The following PLCB1 variants were observed in gnomAD, a reference collection of about 807,000 sequenced individuals.
The protein encoded by PLCB1 is 1-phosphatidylinositol 4,5-bisphosphate phosphodiesterase beta-1.
In PLCB1, 46 loss-of-function variants were observed where a neutral mutation model predicts 161.8. That is an observed-to-expected ratio of 0.28 (90% CI 0.22 to 0.36). PLCB1 has a LOEUF of 0.36. Among genes scored for constraint, PLCB1 ranks in the 10% least tolerant of loss-of-function variants. PLCB1 has a pLI of 1.00. For synonymous variants in PLCB1, 517 were observed against 503.7 expected, an observed-to-expected ratio of 1.03 and a Z score of -0.35; for missense variants, 1,016 against 1,472.5, an observed-to-expected ratio of 0.69 and a Z score of 5.07.
chr20:8,873,822 T>C (rs1987687266), intron 31 of PLCB1, among the ~76,000 whole-genome samples: 1 of 151,390 alleles, frequency 6.6e-6, no homozygotes, highest in Non-Finnish European at 1.5e-5. Context: ...ACAGAAACAC[T>C]TACGTTTTAT....
chr20:8,844,387 A>C (rs970573096), intron 31 of PLCB1, among the ~76,000 whole-genome samples: 2 of 152,186 alleles, frequency 1.3e-5, no homozygotes, highest in African/African-American at 4.8e-5. Flanking sequence ...CTGAAAAGTC[A>C]TCGTATAAGC....
At chr20:8,309,431 A>G (rs1022476594) in intron 2 of PLCB1, among the ~76,000 whole-genome samples, 9 of 152,186 alleles carry the variant, frequency 5.9e-5, no homozygotes, top group African/African-American at 2.2e-4. Context: ...CTTGTTGTTG[A>G]ATAAGAAAAC....
At chr20:8,807,677 A>G (rs555824528) in intron 31 of PLCB1, among the ~76,000 whole-genome samples, 1 of 152,028 alleles carries the variant, frequency 6.6e-6, no homozygotes, top group Non-Finnish European at 1.5e-5. Context: ...CTTCAAGTTG[A>G]TTATAGTATA....
intron 26 of PLCB1, among the ~76,000 whole-genome samples, chr20:8,765,842 G>C (rs754254226): frequency 3.9e-5 from 6 of 152,032 alleles, no homozygotes; most frequent in Non-Finnish European, 8.8e-5. Context: ...ACTACGCCTG[G>C]CGAATTTTTG....
chr20:8,724,849 A>C lies in PLCB1; in HGVS notation c.1678+97A>C, dbSNP rs6056043. 0.91 allele frequency: 612,169 copies of C among 671,354 alleles called. 279,566 individuals carry two copies. Among genetic ancestry groups the C allele is most frequent in the East Asian group, 1 (36,540 of 36,558 alleles). 41.6% of individuals were successfully genotyped at this position (671,354 alleles called of 1,614,324 possible). On this transcript the variant is annotated intron_variant, in intron 16 of 31. Transcript: ENST00000338037. ...CCAAAGAATGTTACCCTTAATAGAG[A>C]GATTTATGCTTTTGAAGTCTTAAAT...
At chr20:8,859,276 A>G (rs144876646) in intron 31 of PLCB1, among the ~76,000 whole-genome samples, 34 of 152,358 alleles carry the variant, frequency 2.2e-4, no homozygotes, top group East Asian at 2.1e-3. Context: ...CAAATAGAAC[A>G]TTGTTCCAAA....
chr20:8,857,448 T>C (rs1285301497), intron 31 of PLCB1, among the ~76,000 whole-genome samples: 1 of 152,248 alleles, frequency 6.6e-6, no homozygotes, highest in Non-Finnish European at 1.5e-5. Context: ...CACTTATCCA[T>C]TCTACTGTCA....
chr20:8,841,335 C>T (rs1986497022), intron 31 of PLCB1, among the ~76,000 whole-genome samples: 1 of 152,152 alleles, frequency 6.6e-6, no homozygotes, highest in African/African-American at 2.4e-5. Context: ...TACTCTTTGT[C>T]ACTGTTACCA....
At chr20:8,438,144 A>T (rs1478463121) in intron 3 of PLCB1, among the ~76,000 whole-genome samples, 7 of 152,098 alleles carry the variant, frequency 4.6e-5, no homozygotes, top group Non-Finnish European at 1.0e-4. Flanking sequence ...TTTGCTAGTT[A>T]AGCATCTGAT....
chr20:8,418,167 C>T (rs1278175472), intron 3 of PLCB1, among the ~76,000 whole-genome samples: 1 of 152,220 alleles, frequency 6.6e-6, no homozygotes, highest in Non-Finnish European at 1.5e-5. Context: ...TCTTTCCCAA[C>T]TGCCAACCTT....
At chr20:8,846,775 T>A (rs1412193101) in intron 31 of PLCB1, among the ~76,000 whole-genome samples, 2 of 152,106 alleles carry the variant, frequency 1.3e-5, no homozygotes, top group Non-Finnish European at 2.9e-5. Flanking sequence ...TCTCTTGAAG[T>A]CTGGGAAGAT....
At chr20:8,728,747 T>C (rs1043492422) in intron 17 of PLCB1, among the ~76,000 whole-genome samples, 2 of 152,096 alleles carry the variant, frequency 1.3e-5, no homozygotes, top group African/African-American at 4.8e-5. Flanking sequence ...CACGGGGCTC[T>C]GCAAAGGTGA....
At chr20:8,849,209 T>A (rs1314846860) in intron 31 of PLCB1, among the ~76,000 whole-genome samples, 1 of 152,122 alleles carries the variant, frequency 6.6e-6, no homozygotes, top group Non-Finnish European at 1.5e-5. Flanking sequence ...TAATGAGAGA[T>A]TATTCAAAAT....
intron 31 of PLCB1, among the ~76,000 whole-genome samples, chr20:8,799,218 A>G (rs1399204861): frequency 6.6e-6 from 1 of 152,210 alleles, no homozygotes; most frequent in Non-Finnish European, 1.5e-5. Context: ...TGTACTGGAT[A>G]GAGGGCAGAG....
chr20:8,434,382 AAAT>A (rs1018235931), intron 3 of PLCB1, among the ~76,000 whole-genome samples: 2 of 152,166 alleles, frequency 1.3e-5, no homozygotes, highest in African/African-American at 4.8e-5. Flanking sequence ...CAAAATCATA[AAAT>A]AATAATAATA....
At chr20:8,802,523 AT>A (rs796145723) in intron 31 of PLCB1, 85 of 215,110 alleles carry the variant, frequency 4.0e-4, no homozygotes, top group Middle Eastern at 1.6e-3. Context: ...CTTTGGAAAC[AT>A]TTTTTTTTCC....
intron 2 of PLCB1, among the ~76,000 whole-genome samples, chr20:8,204,698 A>C (rs985951508): frequency 3.3e-5 from 5 of 152,108 alleles, no homozygotes; most frequent in African/African-American, 1.2e-4. Flanking sequence ...TACGGCCTGC[A>C]GAACCGTGAG....
intron 2 of PLCB1, among the ~76,000 whole-genome samples, chr20:8,282,022 C>T (rs1006567128): frequency 1.3e-5 from 2 of 152,126 alleles, no homozygotes; most frequent in African/African-American, 4.8e-5. Context: ...TATTTATTTA[C>T]ATGCATATAC....
chr20:8,572,265 C>T (rs1293792594), intron 3 of PLCB1, among the ~76,000 whole-genome samples: 1 of 152,138 alleles, frequency 6.6e-6, no homozygotes, highest in African/African-American at 2.4e-5. Flanking sequence ...GATACATGAA[C>T]ACCCTACCAG....
Sources: allele counts gnomAD v4.1 joint callset (sites outside exome capture counted in the v4.1 genomes callset), GRCh38; gene constraint gnomAD v4.1.1; transcripts MANE v1.5; gene names NCBI Gene and HGNC (gene_info 2026-07-23, HGNC 2026-07-21).